Variants in TDRD9 observed in about 807,000 individuals in gnomAD.
TDRD9 encodes tudor domain containing 9.
Under a neutral mutation model 172.6 loss-of-function variants are expected in TDRD9, and 124 were observed. The observed-to-expected ratio is 0.72, with a 90% CI of 0.62 to 0.83. The LOEUF (loss-of-function observed/expected upper bound fraction) is 0.83, where lower values mean the gene tolerates loss of function less well. Ranked by LOEUF, TDRD9 falls within the 40% of genes least tolerant of loss-of-function variation. The pLI is 0.00. For missense variants in TDRD9, 1,479 were observed against 1,714.1 expected (o/e 0.86, Z 2.42); for synonymous variants, 619 against 617.1 (o/e 1.00, Z -0.05).
At chr14:104,046,295 A>G (rs934140236) in intron 34 of TDRD9, among the ~76,000 whole-genome samples, 20 of 152,102 alleles carry the variant, frequency 1.3e-4, no homozygotes, top group African/African-American at 4.8e-4. Context: ...TTTCGGTGCT[A>G]TATCTTAAAA....
In TDRD9 at chr14:103,973,028, A is replaced by G. The variant is rs532546862; in HGVS notation, c.847-2361A>G. On this transcript the variant is annotated intron_variant, in intron 6 of 35. Transcript: ENST00000409874. Reference sequence around the variant, plus strand: ...TTGGTTACACATTTTTTAGTTTTCAATGGTAAAAAGAGTTAGACAAGTGTT... The same window carrying G: ...TTGGTTACACATTTTTTAGTTTTCAGTGGTAAAAAGAGTTAGACAAGTGTT... Among the ~76,000 whole-genome samples, 11 of 151,782 alleles carry G rather than the reference A, an allele frequency of 7.2e-5. No homozygotes were observed. The East Asian group carries it at 1.4e-3, about 19-fold the overall frequency.
At position 103,986,215 on chromosome 14, in the gene TDRD9, A is replaced by G. The variant is rs777145057; in HGVS notation, c.1012-2A>G. On this transcript the variant is annotated splice_acceptor_variant, in intron 7 of 35. Transcript: ENST00000409874. LOFTEE classifies it high-confidence loss of function. ...GCGACTTTTTTCTTTCACTGTTTTT[A>G]GCTCTCTCCTCATCTCCTGGAGGAA... is the stretch of plus-strand genomic sequence containing the variant. 6.2e-7 allele frequency: 1 copy of G among 1,611,106 alleles called. No individual in the cohort carries two copies.
chr14:104,015,987 T>A lies in TDRD9; in HGVS notation c.2230T>A (p.Leu744Met). The change falls in exon 22 of 36, where the codon TTG (leucine) becomes ATG (methionine). Residue 744 changes from leucine (L) to methionine (M), a missense_variant. Leu to Met is a conservative substitution (Grantham distance 15). Coordinates refer to ENST00000409874, the MANE Select transcript of TDRD9 (RefSeq NM_153046.3). ...YKQRFILQVV[L>M]AGAFYPNYFT... ...AAATAAATTTCTTTTTCAGGTTGTA[T>A]TGGCAGGTGCTTTCTATCCAAATTA... 2 of 1,587,000 alleles carry A rather than the reference T, an allele frequency of 1.3e-6. No individual in the cohort carries two copies. The highest frequency in any genetic ancestry group is 1.7e-6 in the Non-Finnish European group (2 of 1,166,868).
intron 6 of TDRD9, among the ~76,000 whole-genome samples, chr14:103,973,001 A>C (rs1040574338): frequency 2.0e-4 from 30 of 152,202 alleles, no homozygotes; most frequent in African/African-American, 7.2e-4. Flanking sequence ...CAGAATAATG[A>C]GTTGGTTACA....
intron 13 of TDRD9, among the ~76,000 whole-genome samples, chr14:104,001,228 C>T (rs2034250179): frequency 6.6e-6 from 1 of 152,230 alleles, no homozygotes; most frequent in Admixed American, 6.5e-5. Context: ...TGCAGCCATA[C>T]CTGCCCCTAA....
chr14:103,963,911 G>A (rs190100329), intron 3 of TDRD9, among the ~76,000 whole-genome samples: 4 of 150,748 alleles, frequency 2.7e-5, no homozygotes, highest in East Asian at 3.9e-4. Context: ...AGTGGAGGTC[G>A]GGGAGTTCTG....
chr14:104,031,378 G>T, intron 29 of TDRD9, 115 bp downstream of exon 29: 2 of 828,262 alleles, frequency 2.4e-6, no homozygotes, highest in South Asian at 2.0e-5. Flanking sequence ...TTTTAATGCT[G>T]TTACTTTTCT....
chr14:104,026,531 A>C, intron 27 of TDRD9, 148 bp from the exon 28 acceptor site: 1 of 934,384 alleles, frequency 1.1e-6, no homozygotes. Flanking sequence ...TCTTTAGGAA[A>C]TTCTCACTAC....
At position 103,965,675 on chromosome 14, in the gene TDRD9, T is replaced by G. The variant is rs546703047; in HGVS notation, c.642+121T>G. ...ACCATTTTCTGCTGAAAATTAGTTG[T>G]GTCTCATGCCTGTAATCCCAGCACT... On this transcript the variant is annotated intron_variant, in intron 4 of 35. Transcript: ENST00000409874. The G allele has an allele frequency of 2.7e-4, 245 of 895,730 alleles. 1 individual carries two copies. Among genetic ancestry groups the G allele is most frequent in the Middle Eastern group, 1.0e-3 (3 of 2,880 alleles). The allele number at this position is 895,730 out of a possible 1,614,324, so 55.5% of individuals were successfully genotyped here.
At chr14:103,974,783 A>G (rs2033168238) in intron 6 of TDRD9, among the ~76,000 whole-genome samples, 1 of 152,034 alleles carries the variant, frequency 6.6e-6, no homozygotes, top group African/African-American at 2.4e-5. Context: ...TGGGACTACA[A>G]GAGGGCACCA....
At chr14:103,952,144 A>ATATACG in intron 1 of TDRD9, among the ~76,000 whole-genome samples, 1 of 118,780 alleles carries the variant, frequency 8.4e-6, no homozygotes, top group South Asian at 2.9e-4. Flanking sequence ...ATATATATAT[A>ATATACG]TGTATATACG....
rs781346716 is a variant in TDRD9, at chr14:104,042,152, G to C, written c.3939G>C (p.Ala1313=). 1.2e-6 allele frequency: 2 copies of C among 1,613,300 alleles called. No homozygotes were observed. Among genetic ancestry groups the C allele is most frequent in the Non-Finnish European group, 1.7e-6 (2 of 1,179,390 alleles). The change falls in exon 34 of 36, where the codon GCG becomes GCC. Residue 1313 remains alanine, a synonymous_variant. Transcript: ENST00000409874. The part of the protein sequence containing the change: ...GCKCLGPERV[A]QLQDIARQKL... ...AGTGTCTTGGGCCAGAGAGAGTTGC[G>C]CAGCTTCAAGACATTGCCCGTCAGA...
In TDRD9 at chr14:103,959,455, C is replaced by CGTGTGTGTGTGTGTGTGT. The variant is rs151216232; in HGVS notation, c.323-3615_323-3598dup. On this transcript the variant is annotated intron_variant, in intron 2 of 35. Coordinates refer to ENST00000409874, the MANE Select transcript of TDRD9 (RefSeq NM_153046.3). ...CACTGAAGAAGTAAGGTCAGGTTAT[C>CGTGTGTGTGTGTGTGTGT]GTGTGTGTGTGTGTGTGTGTGTGTG... Among the ~76,000 whole-genome samples, 91 of 144,088 alleles carry CGTGTGTGTGTGTGTGTGT rather than the reference C, an allele frequency of 6.3e-4. 2 individuals carry two copies. Among genetic ancestry groups the CGTGTGTGTGTGTGTGTGT allele is most frequent in the South Asian group, 3.4e-3 (15 of 4,418 alleles). The allele number at this position is 144,088 out of a possible 152,430, so 94.5% of individuals were successfully genotyped here. A position where few individuals can be genotyped will look rare whatever the true frequency, so the allele number is the denominator to read the frequency against.
chr14:104,033,933 C>T (rs1182317646), intron 30 of TDRD9, 27 bp from the exon 31 acceptor site: 2 of 1,438,614 alleles, frequency 1.4e-6, no homozygotes, highest in East Asian at 2.5e-5. Flanking sequence ...ATCAGTCACC[C>T]CATCTCCTGG....
At chr14:104,022,457 G>A in intron 24 of TDRD9, 127 bp downstream of exon 24, 2 of 994,270 alleles carry the variant, frequency 2.0e-6, no homozygotes, top group South Asian at 1.7e-5. Flanking sequence ...GCTGGGTGTG[G>A]GGGCTCACGC....
intron 13 of TDRD9, among the ~76,000 whole-genome samples, chr14:104,002,261 T>G (rs1461238500): frequency 6.8e-6 from 1 of 147,958 alleles, no homozygotes; most frequent in Non-Finnish European, 1.5e-5. Context: ...TCAATGCAGT[T>G]GAGCCATGAT....
In TDRD9 at chr14:103,994,522, G is replaced by T; in HGVS notation, c.1239G>T (p.Leu413Phe). The change falls in exon 11 of 36, where the codon TTG (leucine) becomes TTT (phenylalanine). Residue 413 changes from leucine (L) to phenylalanine (F), a missense_variant. This residue lies in a region of TDRD9 where 1,413 missense variants were observed against 1,649.1 expected (regional missense o/e 0.86). Coordinates refer to ENST00000409874, the MANE Select transcript of TDRD9 (RefSeq NM_153046.3). ...TTTTATTTTAGTAATTTCTTAGGTT[G>T]CAGGTCTATCCACTCCATTCAAGTG... ...ELLTSLVHKR[L>F]QVYPLHSSVA... 6.2e-7 allele frequency: 1 copy of T among 1,613,600 alleles called. No homozygotes were observed. The highest frequency in any genetic ancestry group is 8.5e-7 in the Non-Finnish European group (1 of 1,179,658).
intron 28 of TDRD9, among the ~76,000 whole-genome samples, chr14:104,030,035 A>ATGT (rs1481819197): frequency 6.6e-6 from 1 of 152,164 alleles, no homozygotes; most frequent in Non-Finnish European, 1.5e-5. Flanking sequence ...GTCTAGCAAA[A>ATGT]TGTTAGCCAG....
chr14:103,998,793 T>G, intron 13 of TDRD9, 65 bp downstream of exon 13: 1 of 543,284 alleles, frequency 1.8e-6, no homozygotes. Context: ...TTCAGGTGCT[T>G]TTTTTTTTTT....
Sources: allele counts gnomAD v4.1 joint callset (sites outside exome capture counted in the v4.1 genomes callset), GRCh38; gene constraint gnomAD v4.1.1; regional missense constraint gnomAD v4.1.1; transcripts MANE v1.5; gene names NCBI Gene and HGNC (gene_info 2026-07-23, HGNC 2026-07-21).